CNTNAP2: variants seen among roughly 807,000 people sequenced by gnomAD.
CNTNAP2 encodes the protein contactin-associated protein-like 2.
CNTNAP2 carries 98 observed loss-of-function variants against 155.2 expected under a neutral mutation model. That is an observed-to-expected ratio of 0.63 (90% confidence interval 0.54 to 0.75). The LOEUF (loss-of-function observed/expected upper bound fraction) is 0.75, where lower values mean the gene tolerates loss of function less well. CNTNAP2 is among the 30% of genes least tolerant of loss of function. CNTNAP2 has a pLI of 0.00. For synonymous variants in CNTNAP2, 651 were observed against 631.2 expected (o/e 1.03, Z -0.47); for missense variants, 1,727 against 1,688.1 (o/e 1.02, Z -0.40).
At chr7:146,150,271 G>T (rs567431180) in intron 1 of CNTNAP2, among the ~76,000 whole-genome samples, 8 of 152,060 alleles carry the variant, frequency 5.3e-5, no homozygotes, top group African/African-American at 1.9e-4. Flanking sequence ...TGGTGAAGAG[G>T]TGAAGTAACT....
chr7:146,784,774 AC>A (rs1802546115), intron 2 of CNTNAP2, among the ~76,000 whole-genome samples: 1 of 152,108 alleles, frequency 6.6e-6, no homozygotes, highest in Non-Finnish European at 1.5e-5. Flanking sequence ...CTGGGCTCTT[AC>A]AGATTCTTAG....
chr7:147,762,689 A>G (rs750993181), intron 13 of CNTNAP2, among the ~76,000 whole-genome samples: 1 of 150,920 alleles, frequency 6.6e-6, no homozygotes, highest in African/African-American at 2.4e-5. Flanking sequence ...ATACATAACT[A>G]AACACTGAAT....
chr7:147,300,291 G>C lies in CNTNAP2; in HGVS notation c.1498+1G>C. ...ACTGGCGAGAAGTACTTTTTTGGAG[G>C]TAAGAATGCCATTCCTTTTTGGTTA... On this transcript the variant is annotated splice_donor_variant, in intron 9 of 23. Coordinates refer to ENST00000361727, the MANE Select transcript of CNTNAP2 (RefSeq NM_014141.6). LOFTEE classifies it high-confidence loss of function. 6.2e-7 allele frequency: 1 copy of C among 1,613,594 alleles called. No individual in the cohort carries two copies. Among genetic ancestry groups the C allele is most frequent in the South Asian group, 1.1e-5 (1 of 91,072 alleles).
rs549863282 is a variant in CNTNAP2, at chr7:146,930,177, G to A, written c.402+90273G>A. On this transcript the variant is annotated intron_variant, in intron 3 of 23. Coordinates refer to ENST00000361727, the MANE Select transcript of CNTNAP2 (RefSeq NM_014141.6). Reference sequence around the variant, plus strand: ...TGAAATGAAGGAAAAAATGTTAAGGGCAGCCAGAGAGAAAGGTCGGGTTAC... The same window carrying A: ...TGAAATGAAGGAAAAAATGTTAAGGACAGCCAGAGAGAAAGGTCGGGTTAC... 3.5e-3 allele frequency among the ~76,000 whole-genome samples: 537 copies of A among 152,260 alleles called. 1 individual carries two copies. The highest frequency in any genetic ancestry group is 5.6e-3 in the Non-Finnish European group (379 of 68,012).
rs946110788 is a variant in CNTNAP2 at position 146,413,052 on chromosome 7, G to A, written c.97+296079G>A. 7.3e-5 allele frequency among the ~76,000 whole-genome samples: 11 copies of A among 151,682 alleles called. No individual in the cohort carries two copies. In the East Asian group the frequency reaches 7.7e-4, roughly 11 times the overall value. On this transcript the variant is annotated intron_variant, in intron 1 of 23. Coordinates refer to ENST00000361727, the MANE Select transcript of CNTNAP2 (RefSeq NM_014141.6). The stretch of plus-strand genomic sequence containing the variant: ...AGGCTATTACAGTTACACAAACTGC[G>A]TTGCAGAGCAAAAAACAAAACAATT...
chr7:146,933,348 T>A (rs1404227975), intron 3 of CNTNAP2, among the ~76,000 whole-genome samples: 5 of 151,884 alleles, frequency 3.3e-5, no homozygotes, highest in Non-Finnish European at 5.9e-5. Context: ...AAGGATTCCC[T>A]ATTTAATAAA....
chr7:147,772,510 G>T (rs1444880168), intron 13 of CNTNAP2, among the ~76,000 whole-genome samples: 1 of 114,780 alleles, frequency 8.7e-6, no homozygotes, highest in Admixed American at 9.0e-5. Flanking sequence ...AACCACAAAA[G>T]AGGTGATTTT....
intron 13 of CNTNAP2, among the ~76,000 whole-genome samples, chr7:147,644,229 A>C (rs1795329387): frequency 6.6e-6 from 1 of 152,252 alleles, no homozygotes; most frequent in African/African-American, 2.4e-5. Context: ...TACATGATTT[A>C]TATTTATATC....
intron 13 of CNTNAP2, among the ~76,000 whole-genome samples, chr7:147,820,400 A>G (rs1798342922): frequency 6.6e-6 from 1 of 151,982 alleles, no homozygotes; most frequent in African/African-American, 2.4e-5. Flanking sequence ...TTTATTCTGA[A>G]TCTAAGTCCT....
intron 18 of CNTNAP2, among the ~76,000 whole-genome samples, chr7:148,206,068 C>T (rs1273628681): frequency 1.3e-5 from 2 of 151,458 alleles, no homozygotes; most frequent in East Asian, 3.9e-4. Context: ...AAAGTAGTTT[C>T]CCAAAATTAC....
At chr7:147,081,878 C>T (rs1320785713) in intron 4 of CNTNAP2, 1 of 152,170 alleles carries the variant, frequency 6.6e-6, no homozygotes, top group African/African-American at 2.4e-5. Context: ...CTTCCACGCC[C>T]AGCTTGTGCT....
rs562287987 is a variant in CNTNAP2, at chr7:148,306,872, C to T, written c.3475+39746C>T. On this transcript the variant is annotated intron_variant, in intron 21 of 23. Transcript: ENST00000361727. ...ATGCCTGGTTCCCCTTTAGCTGACA[C>T]CCACATTTAAGATTGAGGCACTACA... Among the ~76,000 whole-genome samples the T allele has an allele frequency of 2.0e-5, 3 of 152,180 alleles. No individual in the cohort carries two copies. In the South Asian group the frequency reaches 6.2e-4, roughly 32 times the overall value.
chr7:148,010,661 G>GT lies in CNTNAP2; in HGVS notation c.2383+32685dup, dbSNP rs34165242. 1.4e-3 allele frequency among the ~76,000 whole-genome samples: 204 copies of GT among 149,076 alleles called. 1 individual carries two copies. Among genetic ancestry groups the GT allele is most frequent in the Middle Eastern group, 6.9e-3 (2 of 288 alleles). On this transcript the variant is annotated intron_variant, in intron 15 of 23. Coordinates refer to ENST00000361727, the MANE Select transcript of CNTNAP2 (RefSeq NM_014141.6). ...AAAGCCACCTCTGTCATACATCAAG[G>GT]TTTTTTTTTTTTTATTAGACTTTAT...
At chr7:147,000,057 C>A (rs375359817) in intron 3 of CNTNAP2, among the ~76,000 whole-genome samples, 1 of 151,706 alleles carries the variant, frequency 6.6e-6, no homozygotes, top group East Asian at 1.9e-4. Flanking sequence ...TCTGCATTTT[C>A]TTTATTTTTA....
At chr7:146,499,513 C>T (rs1797269160) in intron 1 of CNTNAP2, among the ~76,000 whole-genome samples, 1 of 152,048 alleles carries the variant, frequency 6.6e-6, no homozygotes, top group Admixed American at 6.6e-5. Context: ...CTTTTTTGCC[C>T]CAACATTTTG....
intron 15 of CNTNAP2, among the ~76,000 whole-genome samples, chr7:148,009,381 A>C (rs183807210): frequency 3.9e-5 from 6 of 152,340 alleles, no homozygotes; most frequent in African/African-American, 1.4e-4. Flanking sequence ...CCTAAAGTAC[A>C]ACAATTTTAA....
intron 10 of CNTNAP2, among the ~76,000 whole-genome samples, chr7:147,446,141 T>A (rs1188717424): frequency 7.5e-6 from 1 of 134,088 alleles, no homozygotes; most frequent in East Asian, 2.2e-4. Flanking sequence ...TTTTTTTTTT[T>A]AACCTGTGAG....
rs10550468 is a variant in CNTNAP2 at position 147,585,775 on chromosome 7, A to ATG, written c.1897+23532_1897+23533dup. On this transcript the variant is annotated intron_variant, in intron 12 of 23. Coordinates refer to ENST00000361727, the MANE Select transcript of CNTNAP2 (RefSeq NM_014141.6). ...TGTGTGTCTGTTTGTGTGTATATAT[A>ATG]TGTGTGTGTGTGTGTATATATGTGT... is the stretch of plus-strand genomic sequence containing the variant. Among the ~76,000 whole-genome samples, 944 of 151,436 alleles carry ATG rather than the reference A, an allele frequency of 6.2e-3. 30 individuals are homozygous for ATG. The highest frequency in any genetic ancestry group is 0.056 in the South Asian group (271 of 4,808).
intron 10 of CNTNAP2, among the ~76,000 whole-genome samples, chr7:147,470,673 A>G (rs1798201795): frequency 2.0e-5 from 3 of 152,196 alleles, no homozygotes; most frequent in South Asian, 2.1e-4. Flanking sequence ...CTGAAAAGCC[A>G]GAAGAATGGA....
Sources: allele counts gnomAD v4.1 joint callset (sites outside exome capture counted in the v4.1 genomes callset), GRCh38; gene constraint gnomAD v4.1.1; transcripts MANE v1.5; gene names NCBI Gene and HGNC (gene_info 2026-07-23, HGNC 2026-07-21).